Variants in LARS1 observed in about 807,000 individuals in gnomAD.
The protein encoded by LARS1 is leucyl-tRNA synthetase 1, also known as leucine--tRNA ligase, cytoplasmic.
Under a neutral mutation model 162.8 loss-of-function variants are expected in LARS1, and 100 were observed. That is an observed-to-expected ratio of 0.61 (90% CI 0.52 to 0.73). The LOEUF is 0.73. LARS1 is among the 30% of genes least tolerant of loss of function. The pLI, the probability that LARS1 is intolerant of heterozygous loss-of-function variation, is 0.00. For missense variants in LARS1, 1,258 were observed against 1,408.9 expected, an observed-to-expected ratio of 0.89 and a Z score of 1.71; for synonymous variants, 457 against 462.8, an observed-to-expected ratio of 0.99 and a Z score of 0.16.
intron 5 of LARS1, among the ~76,000 whole-genome samples, chr5:146,165,885 T>C (rs1383871733): frequency 6.6e-6 from 1 of 152,184 alleles, no homozygotes; most frequent in African/African-American, 2.4e-5. Context: ...TTCTCACTGT[T>C]GTAGTAAGAA....
chr5:146,170,652 T>C lies in LARS1; in HGVS notation c.294+1258A>G, dbSNP rs1172865294. 1.3e-5 allele frequency among the ~76,000 whole-genome samples: 2 copies of C among 152,112 alleles called. 1 individual carries two copies. The highest frequency in any genetic ancestry group is 4.1e-4 in the South Asian group (2 of 4,836). On this transcript the variant is annotated intron_variant, in intron 4 of 31. Coordinates refer to ENST00000394434, the MANE Select transcript of LARS1 (RefSeq NM_020117.11). ...GAATACATGCTGAAGTATTTAGCAA[T>C]GACACGTCATGATATCTGCAACTTT...
chr5:146,166,777 G>C (rs1754025845), intron 5 of LARS1, among the ~76,000 whole-genome samples: 1 of 151,958 alleles, frequency 6.6e-6, no homozygotes, highest in Admixed American at 6.6e-5. Flanking sequence ...TAAAATTAAT[G>C]AGCAAATATT....
At chr5:146,159,095 G>GAA (rs544238073) in intron 8 of LARS1, among the ~76,000 whole-genome samples, 2 of 135,358 alleles carry the variant, frequency 1.5e-5, no homozygotes, top group Admixed American at 7.4e-5. Flanking sequence ...GACTCCGTCT[G>GAA]AAAAAAAAAA....
At chr5:146,170,618 T>G (rs192726736) in intron 4 of LARS1, among the ~76,000 whole-genome samples, 1 of 152,314 alleles carries the variant, frequency 6.6e-6, no homozygotes, top group East Asian at 1.9e-4. Context: ...AAGAATGCCC[T>G]TGTTCTTAGA....
Position 146,164,426 on chromosome 5 carries a change from T to C in LARS1, c.478A>G (p.Ile160Val), listed in dbSNP as rs201463704. The change falls in exon 6 of 32, where the codon ATT becomes GTT. Residue 160 changes from isoleucine to valine, a missense_variant. Physicochemically the swap from Ile to Val is conservative, Grantham distance 29. Coordinates refer to ENST00000394434, the MANE Select transcript of LARS1 (RefSeq NM_020117.11). The part of the protein sequence containing the change: ...KAGSSKYQWG[I>V]MKSLGLSDEE... ...TCAGACAGGCCAAGGGATTTCATAA[T>C]GCCCCACTGGTATTTAGAAGATCCA... 2.3e-5 allele frequency: 37 copies of C among 1,614,136 alleles called. 1 individual carries two copies. In the East Asian group the frequency reaches 4.2e-4, roughly 18 times the overall value.
chr5:146,165,200 G>A (rs1032570339), intron 5 of LARS1, among the ~76,000 whole-genome samples: 1 of 152,108 alleles, frequency 6.6e-6, no homozygotes, highest in South Asian at 2.1e-4. Flanking sequence ...CGGGCATGGT[G>A]GCAAGCGCCC....
At chr5:146,146,609 C>T (rs1349286467) in intron 15 of LARS1, among the ~76,000 whole-genome samples, 1 of 131,260 alleles carries the variant, frequency 7.6e-6, no homozygotes, top group Non-Finnish European at 1.6e-5. Context: ...GACAAAGTTA[C>T]AAGTATCATA....
chr5:146,180,230 G>A (rs1754773557), intron 1 of LARS1, among the ~76,000 whole-genome samples: 1 of 152,010 alleles, frequency 6.6e-6, no homozygotes, highest in South Asian at 2.1e-4. Context: ...GTGAGTCCCT[G>A]TCTCAAAAAA....
Position 146,137,615 on chromosome 5 carries a change from C to T in LARS1, c.2149-1951G>A, listed in dbSNP as rs115448415. ...AATCTTACAGACTCCAAAATTCTAT[C>T]ATTCTACTAATTTAGTGGCCAGTCA... On this transcript the variant is annotated intron_variant, in intron 21 of 31. Transcript: ENST00000394434. The T allele has an allele frequency of 2.0e-3, 335 of 170,682 alleles. 3 individuals carry two copies. The highest frequency in any genetic ancestry group is 7.8e-3 in the African/African-American group (324 of 41,720). The allele number at this position is 170,682 out of a possible 1,614,324, so 10.6% of individuals were successfully genotyped here. A position where few individuals can be genotyped will look rare whatever the true frequency, so the allele number is the denominator to read the frequency against.
At chr5:146,168,062 G>C in intron 5 of LARS1, 66 bp downstream of exon 5, 1 of 1,326,818 alleles carries the variant, frequency 7.5e-7, no homozygotes, top group South Asian at 1.3e-5. Flanking sequence ...GCTAGTACTG[G>C]GAATGCACAT....
intron 8 of LARS1, among the ~76,000 whole-genome samples, chr5:146,158,872 A>G (rs1230790463): frequency 2.0e-5 from 3 of 152,148 alleles, no homozygotes; most frequent in East Asian, 3.9e-4. Context: ...CAAGGCGGGC[A>G]GATCACGAGG....
At position 146,113,301 on chromosome 5, in the gene LARS1, G is replaced by A. The variant is rs890307622; in HGVS notation, c.*805C>T. On this transcript the variant is annotated 3_prime_UTR_variant, in exon 32 of 32. Transcript: ENST00000394434. ...GCTGGTCTCAAACTCCTGACCTCAGGTGACTGCCCACCTTGGCCTCCCAAA... is the reference window on the plus strand; with the variant it reads ...GCTGGTCTCAAACTCCTGACCTCAGATGACTGCCCACCTTGGCCTCCCAAA... The A allele has an allele frequency of 1.3e-5, 2 of 152,156 alleles. No homozygotes were observed. Among genetic ancestry groups the A allele is most frequent in the African/African-American group, 2.4e-5 (1 of 41,436 alleles). The allele number at this position is 152,156 out of a possible 1,614,324, so 9.4% of individuals were successfully genotyped here.
At chr5:146,154,733 G>A (rs1010296666) in intron 10 of LARS1, among the ~76,000 whole-genome samples, 2 of 152,058 alleles carry the variant, frequency 1.3e-5, no homozygotes, top group Admixed American at 6.5e-5. Context: ...AGCCAAGATC[G>A]TGCCACTGCA....
At chr5:146,123,885 G>A (rs1431559905) in intron 29 of LARS1, 97 bp downstream of exon 29, 2 of 580,204 alleles carry the variant, frequency 3.4e-6, no homozygotes, top group East Asian at 5.9e-5. Context: ...ACTAAACACA[G>A]AAGATGAAAT....
At chr5:146,119,193 CCTTTA>C (rs1294169919) in intron 31 of LARS1, among the ~76,000 whole-genome samples, 1 of 152,174 alleles carries the variant, frequency 6.6e-6, no homozygotes, top group Non-Finnish European at 1.5e-5. Flanking sequence ...GTTCCCTACT[CCTTTA>C]CTAGATGCAG....
At chr5:146,173,493 T>C (rs1754368469) in intron 2 of LARS1, among the ~76,000 whole-genome samples, 1 of 151,738 alleles carries the variant, frequency 6.6e-6, no homozygotes, top group Non-Finnish European at 1.5e-5. Context: ...ACATCCTCAA[T>C]ATTACTTGAT....
At chr5:146,167,510 T>A (rs1754063692) in intron 5 of LARS1, among the ~76,000 whole-genome samples, 1 of 152,080 alleles carries the variant, frequency 6.6e-6, no homozygotes, top group African/African-American at 2.4e-5. Context: ...TTCACGCCAT[T>A]CTGATGCCTC....
At chr5:146,177,267 C>A (rs183950871) in intron 2 of LARS1, among the ~76,000 whole-genome samples, 11 of 151,440 alleles carry the variant, frequency 7.3e-5, no homozygotes, top group African/African-American at 2.4e-4. Flanking sequence ...AAGATCGAGA[C>A]CACCCTGGCT....
chr5:146,142,854 A>G lies in LARS1; in HGVS notation c.2090+18T>C. ...TTGACAATCAATAAATCTAGTCCACACCTATTTTATCATTCACCTTTGTTC... is the reference window on the plus strand; with the variant it reads ...TTGACAATCAATAAATCTAGTCCACGCCTATTTTATCATTCACCTTTGTTC... On this transcript the variant is annotated intron_variant, in intron 20 of 31. Transcript: ENST00000394434. The G allele has an allele frequency of 1.3e-6, 2 of 1,588,550 alleles. No homozygotes were observed. The highest frequency in any genetic ancestry group is 1.1e-5 in the South Asian group (1 of 90,126).
Sources: gnomAD v4.1 joint callset for allele counts (sites outside exome capture counted in the v4.1 genomes callset) on GRCh38, gnomAD v4.1.1 for gene constraint, MANE v1.5 for transcripts, NCBI Gene and HGNC (gene_info 2026-07-23, HGNC 2026-07-21) for gene names.